Variants in GBE1 observed in about 807,000 individuals in gnomAD.
GBE1 encodes 1,4-alpha-glucan branching enzyme 1.
A neutral mutation model predicts 88.8 loss-of-function variants in GBE1; 70 were observed. The observed-to-expected ratio is 0.79, with a 90% CI of 0.65 to 0.96. The LOEUF (loss-of-function observed/expected upper bound fraction) is 0.96, where lower values mean the gene tolerates loss of function less well. GBE1 is among the 40% of genes least tolerant of loss of function. The pLI is 0.00. For missense variants in GBE1, 872 were observed against 871.0 expected, an observed-to-expected ratio of 1.00 and a Z score of -0.01; for synonymous variants, 284 against 300.1, an observed-to-expected ratio of 0.95 and a Z score of 0.56.
At chr3:81,596,720 G>T (rs773130357) in intron 7 of GBE1, among the ~76,000 whole-genome samples, 1 of 151,856 alleles carries the variant, frequency 6.6e-6, no homozygotes, top group East Asian at 1.9e-4. Context: ...TCAAGTGGAA[G>T]ATTCTCAAAT....
At chr3:81,612,055 TAGC>T (rs1016149467) in intron 7 of GBE1, among the ~76,000 whole-genome samples, 1 of 152,088 alleles carries the variant, frequency 6.6e-6, no homozygotes, top group African/African-American at 2.4e-5. Flanking sequence ...AGTACTAACT[TAGC>T]AGTGGTGGGA....
intron 15 of GBE1, among the ~76,000 whole-genome samples, chr3:81,492,469 AAAG>A (rs1028211032): frequency 1.3e-5 from 2 of 152,046 alleles, no homozygotes; most frequent in African/African-American, 4.8e-5. Context: ...AAACCAAAGC[AAAG>A]AAGGAGAAAA....
chr3:81,521,807 C>T (rs181248111), intron 14 of GBE1, among the ~76,000 whole-genome samples: 1 of 151,190 alleles, frequency 6.6e-6, no homozygotes, highest in Non-Finnish European at 1.5e-5. Flanking sequence ...AAATTATTAA[C>T]TGAATAAATA....
intron 3 of GBE1, among the ~76,000 whole-genome samples, chr3:81,667,169 T>A (rs1375367433): frequency 6.6e-6 from 1 of 152,216 alleles, no homozygotes; most frequent in Non-Finnish European, 1.5e-5. Context: ...ACATCCCTTG[T>A]TAACTGTATT....
chr3:81,531,166 G>A lies in GBE1; in HGVS notation c.1934+4029C>T, dbSNP rs182173039. Among the ~76,000 whole-genome samples the A allele has an allele frequency of 8.3e-4, 126 of 151,868 alleles. 1 individual carries two copies. The highest frequency in any genetic ancestry group is 3.0e-3 in the African/African-American group (124 of 41,482). ...GCTGATGTTTGTTCAAAGCCCAAGGGCTCCTTAGTCAGCAGTTGGTGAATC... is the reference window on the plus strand; with the variant it reads ...GCTGATGTTTGTTCAAAGCCCAAGGACTCCTTAGTCAGCAGTTGGTGAATC... On this transcript the variant is annotated intron_variant, in intron 14 of 15. Coordinates refer to ENST00000429644, the MANE Select transcript of GBE1 (RefSeq NM_000158.4).
At position 81,583,755 on chromosome 3, in the gene GBE1, A is replaced by T. The variant is rs906062967; in HGVS notation, c.1335+2337T>A. 3.3e-5 allele frequency among the ~76,000 whole-genome samples: 5 copies of T among 152,126 alleles called. No individual in the cohort carries two copies. In the South Asian group the frequency reaches 1.0e-3, roughly 32 times the overall value. On this transcript the variant is annotated intron_variant, in intron 10 of 15. Coordinates refer to ENST00000429644, the MANE Select transcript of GBE1 (RefSeq NM_000158.4). ...AGCGGTTAAGGCATTATTAGAAGCA[A>T]GCAAGATGAAAATAAGTAGGCGTTA... is the stretch of plus-strand genomic sequence containing the variant.
intron 1 of GBE1, among the ~76,000 whole-genome samples, chr3:81,750,579 A>ATATATATATATG: frequency 1.6e-5 from 1 of 61,912 alleles, no homozygotes; most frequent in East Asian, 1.4e-3. Context: ...ATATATACGT[A>ATATATATATATG]TATATATACG....
chr3:81,744,123 A>C (rs1011499770), intron 1 of GBE1, among the ~76,000 whole-genome samples: 2 of 152,048 alleles, frequency 1.3e-5, no homozygotes, highest in African/African-American at 4.8e-5. Context: ...AAAAGCTGTT[A>C]TTTCAAATAC....
chr3:81,734,778 G>GTCCC (rs1164445618), intron 1 of GBE1, among the ~76,000 whole-genome samples: 1 of 152,134 alleles, frequency 6.6e-6, no homozygotes, highest in Non-Finnish European at 1.5e-5. Flanking sequence ...AAAAGATGCC[G>GTCCC]TATCAGTTGT....
intron 14 of GBE1, among the ~76,000 whole-genome samples, chr3:81,511,673 G>C (rs997589458): frequency 6.6e-6 from 1 of 151,804 alleles, no homozygotes; most frequent in Non-Finnish European, 1.5e-5. Context: ...TTATTAAAAA[G>C]TCAAAAAACA....
intron 7 of GBE1, among the ~76,000 whole-genome samples, chr3:81,628,566 T>C (rs955734396): frequency 6.6e-6 from 1 of 152,022 alleles, no homozygotes; most frequent in African/African-American, 2.4e-5. Flanking sequence ...ACTGCTAACA[T>C]TGTTTTCTCT....
intron 12 of GBE1, among the ~76,000 whole-genome samples, chr3:81,577,534 CA>C (rs1350761188): frequency 1.3e-5 from 2 of 152,036 alleles, no homozygotes; most frequent in Non-Finnish European, 2.9e-5. Context: ...AAAATTATCT[CA>C]AAGAAGACCA....
Position 81,733,450 on chromosome 3 carries a change from G to GC in GBE1, c.144-27838dup, listed in dbSNP as rs889701809. Among the ~76,000 whole-genome samples the GC allele has an allele frequency of 6.2e-4, 94 of 151,968 alleles. No homozygotes were observed. The highest frequency in any genetic ancestry group is 1.2e-3 in the African/African-American group (48 of 41,382). On this transcript the variant is annotated intron_variant, in intron 1 of 15. Transcript: ENST00000429644. The surrounding 1 kb of genome is among the most constrained non-coding windows in gnomAD (Gnocchi z 4.0). Reference sequence around the variant, plus strand: ...TTGAATCATCCCAAAACAATCCCCTGCCCCCCATTCATGGAAAAATTGTCT... The same window carrying GC: ...TTGAATCATCCCAAAACAATCCCCTGCCCCCCCATTCATGGAAAAATTGTCT...
intron 2 of GBE1, among the ~76,000 whole-genome samples, chr3:81,681,340 A>G (rs994288414): frequency 2.0e-5 from 3 of 152,168 alleles, no homozygotes; most frequent in African/African-American, 7.2e-5. Flanking sequence ...GTTCCCTGTT[A>G]CATGCCATAT....
At chr3:81,662,972 T>C (rs759484840) in intron 3 of GBE1, among the ~76,000 whole-genome samples, 1 of 152,196 alleles carries the variant, frequency 6.6e-6, no homozygotes, top group African/African-American at 2.4e-5. Context: ...TGGTTTTGCC[T>C]GAGAATGCAG....
In GBE1 at chr3:81,750,579, A is replaced by G. The variant is rs1309494712; in HGVS notation, c.143+10796T>C. Among the ~76,000 whole-genome samples the G allele has an allele frequency of 1.1e-3, 65 of 61,904 alleles. 5 individuals are homozygous for G. Among genetic ancestry groups the G allele is most frequent in the African/African-American group, 4.3e-3 (51 of 11,838 alleles). 40.6% of individuals were successfully genotyped at this position (61,904 alleles called of 152,430 possible). On this transcript the variant is annotated intron_variant, in intron 1 of 15. Transcript: ENST00000429644. ...TATATATATGTATATATATATACGT[A>G]TATATATACGTATATATATATGTGT...
At chr3:81,617,022 A>T (rs1704257423) in intron 7 of GBE1, among the ~76,000 whole-genome samples, 1 of 151,934 alleles carries the variant, frequency 6.6e-6, no homozygotes. Context: ...TATATTTTTT[A>T]ATTTTAATAA....
At chr3:81,686,630 C>T (rs1705445205) in intron 2 of GBE1, among the ~76,000 whole-genome samples, 2 of 151,976 alleles carry the variant, frequency 1.3e-5, no homozygotes, top group African/African-American at 4.8e-5. Flanking sequence ...GTGGCGTATG[C>T]CTGTAATCCC....
At chr3:81,715,530 C>T (rs1044471699) in intron 1 of GBE1, among the ~76,000 whole-genome samples, 8 of 152,070 alleles carry the variant, frequency 5.3e-5, no homozygotes, top group East Asian at 1.9e-4. Context: ...CCTAGGTTCA[C>T]GAGATTTGAA....
Sources: allele counts gnomAD v4.1 joint callset (sites outside exome capture counted in the v4.1 genomes callset), GRCh38; gene constraint gnomAD v4.1.1; non-coding constraint Gnocchi (gnomAD v3.1); transcripts MANE v1.5; gene names NCBI Gene and HGNC (gene_info 2026-07-23, HGNC 2026-07-21).